Variants in CTTNBP2 observed in about 807,000 individuals in gnomAD.
CTTNBP2 encodes the protein cortactin binding protein 2.
CTTNBP2 carries 108 observed loss-of-function variants against 156.9 expected under a neutral mutation model. The observed-to-expected ratio is 0.69, with a 90% CI of 0.59 to 0.81. The LOEUF (loss-of-function observed/expected upper bound fraction) is 0.81, where lower values mean the gene tolerates loss of function less well. Ranked by LOEUF, CTTNBP2 falls within the 30% of genes least tolerant of loss-of-function variation. The pLI is 0.00. For missense variants in CTTNBP2, 1,924 were observed against 2,035.4 expected (o/e 0.95, Z 1.05); for synonymous variants, 767 against 751.8 (o/e 1.02, Z -0.33).
At chr7:117,753,235 T>C (rs1345031999) in intron 12 of CTTNBP2, among the ~76,000 whole-genome samples, 1 of 152,118 alleles carries the variant, frequency 6.6e-6, no homozygotes, top group Non-Finnish European at 1.5e-5. Flanking sequence ...ATGGTATTAT[T>C]AAAAAGTCCA....
At chr7:117,857,639 T>C (rs1466146143) in intron 2 of CTTNBP2, among the ~76,000 whole-genome samples, 1 of 152,128 alleles carries the variant, frequency 6.6e-6, no homozygotes, top group East Asian at 1.9e-4. Context: ...TTATAATTTA[T>C]ATATTAAGTT....
At chr7:117,867,188 G>A (rs776670681) in intron 1 of CTTNBP2, among the ~76,000 whole-genome samples, 8 of 152,092 alleles carry the variant, frequency 5.3e-5, no homozygotes, top group African/African-American at 1.2e-4. Flanking sequence ...TTATCTTCCC[G>A]ATTTCTCTCT....
At chr7:117,720,942 AACT>A in intron 20 of CTTNBP2, 122 bp downstream of exon 20, 1 of 722,102 alleles carries the variant, frequency 1.4e-6, no homozygotes, top group Non-Finnish European at 2.5e-6. Flanking sequence ...TGACATATAT[AACT>A]TTTTTAAAAC....
rs547280511 is a variant in CTTNBP2 at position 117,806,157 on chromosome 7, G to A, written c.414+4608C>T. 1.1e-4 allele frequency among the ~76,000 whole-genome samples: 17 copies of A among 152,302 alleles called. 1 individual carries two copies. Among genetic ancestry groups the A allele is most frequent in the Middle Eastern group, 6.8e-3 (2 of 294 alleles). On this transcript the variant is annotated intron_variant, in intron 3 of 22. Coordinates refer to ENST00000160373, the MANE Select transcript of CTTNBP2 (RefSeq NM_033427.3). The stretch of plus-strand genomic sequence containing the variant: ...TTTGCAAAAAGCAGTGGATTGTGTG[G>A]AAGAGCTCAGAAGAATGAACGCAGC...
intron 14 of CTTNBP2, among the ~76,000 whole-genome samples, chr7:117,737,721 A>C (rs1157799445): frequency 6.6e-6 from 1 of 152,038 alleles, no homozygotes; most frequent in Non-Finnish European, 1.5e-5. Flanking sequence ...TTACAGGTGC[A>C]CACCACCATG....
intron 3 of CTTNBP2, among the ~76,000 whole-genome samples, chr7:117,803,033 C>A (rs1381037372): frequency 1.3e-5 from 2 of 152,160 alleles, no homozygotes; most frequent in Non-Finnish European, 2.9e-5. Flanking sequence ...ACTGGGTATA[C>A]ACCCAAAGGA....
At chr7:117,843,457 G>C (rs1584533071) in intron 2 of CTTNBP2, among the ~76,000 whole-genome samples, 2 of 152,170 alleles carry the variant, frequency 1.3e-5, no homozygotes, top group South Asian at 4.1e-4. Context: ...AAAACAGTGA[G>C]GGAAGGAGCT....
At chr7:117,866,632 T>A (rs1449200246) in intron 1 of CTTNBP2, among the ~76,000 whole-genome samples, 1 of 152,150 alleles carries the variant, frequency 6.6e-6, no homozygotes, top group African/African-American at 2.4e-5. Flanking sequence ...GTAGGGCAAA[T>A]CATTTCATCT....
In CTTNBP2 at chr7:117,741,609, G is replaced by C. The variant is rs529517596; in HGVS notation, c.3535+4222C>G. Among the ~76,000 whole-genome samples the C allele has an allele frequency of 2.6e-5, 4 of 152,314 alleles. No homozygotes were observed. In the South Asian group the frequency reaches 6.2e-4, roughly 24 times the overall value. On this transcript the variant is annotated intron_variant, in intron 14 of 22. Coordinates refer to ENST00000160373, the MANE Select transcript of CTTNBP2 (RefSeq NM_033427.3). ...AAACCACAGTCATGTGATATGAAGG[G>C]TATAGAAGGATTTTTATTCTGTATT...
At chr7:117,779,035 C>G (rs904054153) in intron 7 of CTTNBP2, among the ~76,000 whole-genome samples, 2 of 152,126 alleles carry the variant, frequency 1.3e-5, no homozygotes, top group African/African-American at 4.8e-5. Flanking sequence ...GTGGCTTTTT[C>G]TCTGGTTTGG....
intron 2 of CTTNBP2, among the ~76,000 whole-genome samples, chr7:117,841,403 C>T (rs929751862): frequency 1.3e-5 from 2 of 151,964 alleles, no homozygotes; most frequent in East Asian, 3.8e-4. Context: ...AAAGACTACA[C>T]TCTACTTTCT....
At chr7:117,759,810 A>G (rs956340387) in intron 10 of CTTNBP2, among the ~76,000 whole-genome samples, 1 of 152,220 alleles carries the variant, frequency 6.6e-6, no homozygotes, top group African/African-American at 2.4e-5. Context: ...TTTCCCATAG[A>G]AGGTAGTTCT....
chr7:117,840,333 T>TG (rs1295643093), intron 2 of CTTNBP2, among the ~76,000 whole-genome samples: 1 of 151,844 alleles, frequency 6.6e-6, no homozygotes, highest in Middle Eastern at 3.2e-3. Context: ...AGCATCAAGT[T>TG]GGGGTCAGGC....
chr7:117,871,808 C>A (rs1804611832), intron 1 of CTTNBP2: 1 of 371,480 alleles, frequency 2.7e-6, no homozygotes, highest in Admixed American at 6.9e-5. Flanking sequence ...CACACACACA[C>A]ACACACACAC....
At chr7:117,719,423 T>C in intron 21 of CTTNBP2, 81 bp downstream of exon 21, 1 of 1,314,850 alleles carries the variant, frequency 7.6e-7, no homozygotes, top group Non-Finnish European at 1.0e-6. Flanking sequence ...ATAAGGAATT[T>C]CTTTTAGGGA....
Position 117,718,011 on chromosome 7 carries a change from C to G in CTTNBP2, c.4746+7G>C. 6.4e-7 allele frequency: 1 copy of G among 1,551,116 alleles called. No homozygotes were observed. The stretch of plus-strand genomic sequence containing the variant: ...TTTGTTCACTTTGGGGAGAAAGGGA[C>G]ACTTACCTTTTGTGACACTGGCATT... On this transcript the variant is annotated splice_region_variant and intron_variant, in intron 22 of 22. Coordinates refer to ENST00000160373, the MANE Select transcript of CTTNBP2 (RefSeq NM_033427.3).
At chr7:117,800,704 A>G (rs1214014046) in intron 3 of CTTNBP2, among the ~76,000 whole-genome samples, 1 of 152,090 alleles carries the variant, frequency 6.6e-6, no homozygotes, top group African/African-American at 2.4e-5. Flanking sequence ...AAGGACTGGC[A>G]TATACTCTAT....
Position 117,719,563 on chromosome 7 carries a change from C to T in CTTNBP2, c.4585G>A (p.Asp1529Asn). The T allele has an allele frequency of 6.2e-7, 1 of 1,613,978 alleles. No individual in the cohort carries two copies. Among genetic ancestry groups the T allele is most frequent in the Non-Finnish European group, 8.5e-7 (1 of 1,179,894 alleles). The change falls in exon 21 of 23, where the codon GAT becomes AAT. Residue 1529 changes from aspartate (D) to asparagine (N), a missense_variant. Transcript: ENST00000160373. ...RLSLGSDDEA[D>N]LVKELQSMCS... The stretch of plus-strand genomic sequence containing the variant: ...ATGCTCTGAAGTTCCTTGACAAGAT[C>T]TGCTTCGTCATCTGAACCCAGAGAG...
chr7:117,780,519 G>GT lies in CTTNBP2; in HGVS notation c.2444dup (p.Tyr815Ter). 1 of 1,597,148 alleles carries GT rather than the reference G, an allele frequency of 6.3e-7. No individual in the cohort carries two copies. The highest frequency in any genetic ancestry group is 1.7e-5 in the Admixed American group (1 of 58,290). The change falls in exon 7 of 23, where the codon TAC becomes TAAC. Residue 815 changes from tyrosine (Y) to a stop codon, truncating the protein, a stop_gained and frameshift_variant. Transcript: ENST00000160373. LOFTEE classifies it high-confidence loss of function. ...CTTTATTTCCATTTTTACAGGCCAG[G>GT]TATAGAGGTGTCTGTCCTCCATCAG... Reference protein sequence around the residue: ...HAADGGQTPLYLACKNGNKEC... With the variant: ...HAADGGQTPL
Sources: allele counts gnomAD v4.1 joint callset (sites outside exome capture counted in the v4.1 genomes callset), GRCh38; gene constraint gnomAD v4.1.1; transcripts MANE v1.5; gene names NCBI Gene and HGNC (gene_info 2026-07-23, HGNC 2026-07-21).